RFPL2: variants seen among roughly 807,000 people sequenced by gnomAD.
The protein encoded by RFPL2 is ret finger protein-like 2.
In RFPL2, 13 loss-of-function variants were observed where a neutral mutation model predicts 17.8. The observed-to-expected ratio is 0.73, with a 90% CI of 0.47 to 1.16. The LOEUF is 1.16. RFPL2 is among the 50% of genes most tolerant of loss of function. The pLI is 0.00. For missense variants in RFPL2, 431 were observed against 479.3 expected (o/e 0.90, Z 0.94); for synonymous variants, 189 against 180.9 (o/e 1.04, Z -0.36).
chr22:32,194,132 C>T (rs1418893167), intron 3 of RFPL2, among the ~76,000 whole-genome samples: 1 of 152,154 alleles, frequency 6.6e-6, no homozygotes, highest in Non-Finnish European at 1.5e-5. Flanking sequence ...TTACATCCTT[C>T]TCCAGCCTTG....
chr22:32,195,704 C>T (rs1002035544), intron 2 of RFPL2, among the ~76,000 whole-genome samples: 8 of 152,126 alleles, frequency 5.3e-5, no homozygotes, highest in East Asian at 3.9e-4. Flanking sequence ...GTAACCCGCC[C>T]GCCTTGGCCT....
intron 3 of RFPL2, among the ~76,000 whole-genome samples, chr22:32,193,909 ACAT>A (rs1923023858): frequency 6.7e-6 from 1 of 150,070 alleles, no homozygotes; most frequent in African/African-American, 2.5e-5. Flanking sequence ...GCAGTAGCTC[ACAT>A]CTGTAATCCC....
At chr22:32,193,609 G>T in intron 3 of RFPL2, 2 of 736,344 alleles carry the variant, frequency 2.7e-6, no homozygotes, top group Non-Finnish European at 3.5e-6. Flanking sequence ...TGCCTGTCCA[G>T]CACTTTGGGA....
intron 3 of RFPL2, chr22:32,193,497 C>G: frequency 7.1e-7 from 1 of 1,413,698 alleles, no homozygotes; most frequent in Non-Finnish European, 9.2e-7. Flanking sequence ...ATGTGAGGAA[C>G]AGCGAGCTGG....
chr22:32,203,999 A>C (rs1924261944), intron 1 of RFPL2, among the ~76,000 whole-genome samples: 1 of 132,134 alleles, frequency 7.6e-6, no homozygotes, highest in African/African-American at 2.9e-5. Context: ...CATCCAACCC[A>C]TTCCCTCTGC....
intron 4 of RFPL2, among the ~76,000 whole-genome samples, chr22:32,192,697 C>T: frequency 6.6e-6 from 1 of 152,208 alleles, no homozygotes; most frequent in Non-Finnish European, 1.5e-5. Flanking sequence ...TAACCCATGA[C>T]ATAGACATCG....
At chr22:32,204,333 G>A (rs1047911904) in intron 1 of RFPL2, among the ~76,000 whole-genome samples, 12 of 151,978 alleles carry the variant, frequency 7.9e-5, no homozygotes, top group Middle Eastern at 3.2e-3. Flanking sequence ...CACGGATAGC[G>A]CCCCCAGCAA....
At chr22:32,192,708 G>A (rs1334007088) in intron 4 of RFPL2, among the ~76,000 whole-genome samples, 194 bp downstream of exon 4, 1 of 152,110 alleles carries the variant, frequency 6.6e-6, no homozygotes. Context: ...ATAGACATCG[G>A]GTTTTTGTTT....
chr22:32,196,722 GGAA>G lies in RFPL2; in HGVS notation c.120-2235_120-2233del, dbSNP rs563020505. Reference sequence around the variant, plus strand: ...AAGATGATCCTTTCAGCTGCTCCAGGGAAGAAGGAACAGACAGCAAGATAGATT... The same window carrying G: ...AAGATGATCCTTTCAGCTGCTCCAGGGAAGGAACAGACAGCAAGATAGATT... On this transcript the variant is annotated intron_variant, in intron 2 of 4. Transcript: ENST00000652607. Among the ~76,000 whole-genome samples the G allele has an allele frequency of 3.5e-3, 532 of 152,252 alleles. 5 individuals are homozygous for G. Among genetic ancestry groups the G allele is most frequent in the Non-Finnish European group, 5.4e-3 (365 of 68,022 alleles).
At chr22:32,204,642 G>A (rs1924346510) in intron 1 of RFPL2, among the ~76,000 whole-genome samples, 65 bp downstream of exon 1, 1 of 152,210 alleles carries the variant, frequency 6.6e-6, no homozygotes, top group Admixed American at 6.5e-5. Context: ...CAACGGCAGC[G>A]AGCCGAGCCA....
chr22:32,195,124 A>C (rs1923183031), intron 2 of RFPL2, among the ~76,000 whole-genome samples: 1 of 152,186 alleles, frequency 6.6e-6, no homozygotes, highest in Admixed American at 6.5e-5. Flanking sequence ...CTTTCTGTGT[A>C]GTGGGATCTT....
chr22:32,199,358 G>GTA (rs1270635563), intron 2 of RFPL2, among the ~76,000 whole-genome samples: 10 of 152,192 alleles, frequency 6.6e-5, no homozygotes, highest in African/African-American at 2.4e-4. Flanking sequence ...CAGAAAAACT[G>GTA]TAGATAAGAC....
chr22:32,191,342 G>A lies in RFPL2; in HGVS notation c.567C>T (p.Thr189=), dbSNP rs1301700042. The change falls in exon 5 of 5, where the codon ACC becomes ACT. Residue 189 remains threonine (T), a synonymous_variant. Coordinates refer to ENST00000652607, the MANE Select transcript of RFPL2 (RefSeq NM_001394555.1). ...AGTTGTTGGCTGTGTTGGCATCCAAGGTCATATCCACTGTGAAAAGGAAAA... is the reference window on the plus strand; with the variant it reads ...AGTTGTTGGCTGTGTTGGCATCCAAAGTCATATCCACTGTGAAAAGGAAAA... ...PRMRKFQVDM[T]LDANTANNFL... The A allele has an allele frequency of 2.5e-6, 4 of 1,609,338 alleles. No homozygotes were observed. The highest frequency in any genetic ancestry group is 4.5e-5 in the East Asian group (2 of 44,772).
In RFPL2 at chr22:32,192,943, T is replaced by C. The variant is rs766329591; in HGVS notation, c.515A>G (p.Lys172Arg). The C allele has an allele frequency of 5.6e-6, 9 of 1,614,134 alleles. No individual in the cohort carries two copies. In the South Asian group the frequency reaches 6.6e-5, roughly 12 times the overall value. ...SHIKELEPKL[K>R]KILQMNPRMR... ...CCTTGGGTTCATCTGCAGAATCTTCTTCAGCTTGGGCTCCAGTTCCTTGAT... is the reference window on the plus strand; with the variant it reads ...CCTTGGGTTCATCTGCAGAATCTTCCTCAGCTTGGGCTCCAGTTCCTTGAT... The change falls in exon 4 of 5, where the codon AAG becomes AGG. Residue 172 changes from lysine to arginine, a missense_variant. By Grantham distance (26) the Lys-to-Arg change is conservative. Coordinates refer to ENST00000652607, the MANE Select transcript of RFPL2 (RefSeq NM_001394555.1).
In RFPL2 at chr22:32,194,917, A is replaced by G. The variant is rs1342561242; in HGVS notation, c.120-427T>C. Among the ~76,000 whole-genome samples, 8 of 152,340 alleles carry G rather than the reference A, an allele frequency of 5.3e-5. No individual in the cohort carries two copies. In the East Asian group the frequency reaches 1.2e-3, roughly 22 times the overall value. On this transcript the variant is annotated intron_variant, in intron 2 of 4. Coordinates refer to ENST00000652607, the MANE Select transcript of RFPL2 (RefSeq NM_001394555.1). ...TTCATAATTCATAGGAAAAAATTAG[A>G]TAATTACTATTTTGACAAATGACCA...
rs542453914 is a variant in RFPL2 at position 32,191,276 on chromosome 22, C to T, written c.633G>A (p.Gly211=). The T allele has an allele frequency of 2.1e-5, 34 of 1,613,978 alleles. No individual in the cohort carries two copies. The highest frequency in any genetic ancestry group is 2.7e-5 in the Non-Finnish European group (32 of 1,179,872). ...ISDDLRSVRS[G]RIRQNRQDLA... Reference sequence around the variant, plus strand: ...GGTCTTGCCGATTCTGTCTGATGCGCCCACTTCGGACGCTCCTGAGGTCGT... The same window carrying T: ...GGTCTTGCCGATTCTGTCTGATGCGTCCACTTCGGACGCTCCTGAGGTCGT... The change falls in exon 5 of 5, where the codon GGG becomes GGA. Residue 211 remains glycine (G), a synonymous_variant. Transcript: ENST00000652607.
chr22:32,202,305 A>G, intron 2 of RFPL2, 28 bp downstream of exon 2: 1 of 1,566,234 alleles, frequency 6.4e-7, no homozygotes, highest in Non-Finnish European at 8.7e-7. Context: ...CCCTGGAGCA[A>G]TGCGGAAAAC....
In RFPL2 at chr22:32,190,551, AG is replaced by A. The variant is rs1286665491; in HGVS notation, c.*220del. 1.0e-4 allele frequency: 42 copies of A among 420,550 alleles called. No homozygotes were observed. The highest frequency in any genetic ancestry group is 1.7e-4 in the Non-Finnish European group (41 of 243,548). The allele number at this position is 420,550 out of a possible 1,614,324, so 26.1% of individuals were successfully genotyped here. On this transcript the variant is annotated 3_prime_UTR_variant, in exon 5 of 5. Transcript: ENST00000652607. ...ATCCCAGAATACAGGACATTTCTAT[AG>A]GAAACAAGATGTGAACCATAGGACT...
intron 3 of RFPL2, 158 bp from the exon 4 acceptor site, chr22:32,193,350 C>G (rs968325946): frequency 2.6e-6 from 4 of 1,562,948 alleles, no homozygotes; most frequent in African/African-American, 2.7e-5. Flanking sequence ...CACATCCCCC[C>G]ACCCCCCGTC....
Sources: allele counts gnomAD v4.1 joint callset (sites outside exome capture counted in the v4.1 genomes callset), GRCh38; gene constraint gnomAD v4.1.1; transcripts MANE v1.5; gene names NCBI Gene and HGNC (gene_info 2026-07-23, HGNC 2026-07-21).